The following UPK3A variants were observed in gnomAD, a reference collection of about 807,000 sequenced individuals.
The protein encoded by UPK3A is uroplakin 3A.
In UPK3A, 32 loss-of-function variants were observed where a neutral mutation model predicts 27.6. That is an observed-to-expected ratio of 1.16 (90% CI 0.87 to 1.55). The LOEUF (loss-of-function observed/expected upper bound fraction) is 1.55. Ranked by LOEUF, UPK3A falls within the 40% of genes most tolerant of loss-of-function variation. UPK3A has a pLI of 0.00. For synonymous variants in UPK3A, 171 were observed against 163.9 expected (o/e 1.04, Z -0.33); for missense variants, 370 against 367.9 (o/e 1.01, Z -0.05).
At chr22:45,295,251 C>A (rs1396001898) in intron 5 of UPK3A, among the ~76,000 whole-genome samples, 6 of 152,174 alleles carry the variant, frequency 3.9e-5, no homozygotes, top group African/African-American at 1.4e-4. Flanking sequence ...GTCCATGCTG[C>A]GTGGTCATTG....
chr22:45,284,983 C>G lies in UPK3A; in HGVS notation c.-31C>G, dbSNP rs1411871107. 5 of 1,528,112 alleles carry G rather than the reference C, an allele frequency of 3.3e-6. No individual in the cohort carries two copies. Among genetic ancestry groups the G allele is most frequent in the Non-Finnish European group, 3.5e-6 (4 of 1,143,636 alleles). 94.7% of individuals were successfully genotyped at this position (1,528,112 alleles called of 1,614,324 possible). A position where few individuals can be genotyped will look rare whatever the true frequency, so the allele number is the denominator to read the frequency against. On this transcript the variant is annotated 5_prime_UTR_variant, in exon 1 of 6. Transcript: ENST00000216211. ...GCCCGCGCCTGCTCGCTGGACCGCC[C>G]GCCCCGCGCTCTGGCGGCTCCTCCC... is the stretch of plus-strand genomic sequence containing the variant.
chr22:45,293,771 T>C (rs2084177581), intron 5 of UPK3A, among the ~76,000 whole-genome samples: 1 of 152,126 alleles, frequency 6.6e-6, no homozygotes, highest in Non-Finnish European at 1.5e-5. Context: ...TCGTTGTCAT[T>C]ATAATACACC....
At position 45,295,798 on chromosome 22, in the gene UPK3A, G is replaced by A; in HGVS notation, c.*79G>A. On this transcript the variant is annotated 3_prime_UTR_variant, in exon 6 of 6. Coordinates refer to ENST00000216211, the MANE Select transcript of UPK3A (RefSeq NM_006953.4). ...CCTGCAGCGGTGGTTGTCACACCCT[G>A]ACTTCAGGGAAGGTGAAACAGGGCT... 1.3e-6 allele frequency: 2 copies of A among 1,560,590 alleles called. No homozygotes were observed. Among genetic ancestry groups the A allele is most frequent in the Non-Finnish European group, 1.8e-6 (2 of 1,141,522 alleles).
intron 3 of UPK3A, among the ~76,000 whole-genome samples, chr22:45,288,088 T>TG (rs2084132192): frequency 6.6e-6 from 1 of 152,140 alleles, no homozygotes; most frequent in Admixed American, 6.6e-5. Context: ...AACCCCTTCG[T>TG]CTTACAGGAA....
intron 2 of UPK3A, 112 bp from the exon 3 acceptor site, chr22:45,287,060 T>G: frequency 1.3e-6 from 2 of 1,519,600 alleles, no homozygotes; most frequent in South Asian, 2.3e-5. Context: ...GTGATGCCAG[T>G]GCCCAGCACA....
intron 4 of UPK3A, 42 bp downstream of exon 4, chr22:45,289,185 C>T (rs760060962): frequency 5.0e-5 from 80 of 1,604,906 alleles, no homozygotes; most frequent in Admixed American, 8.3e-5. Flanking sequence ...CAAGGGGACC[C>T]GAGAAGGCGG....
At chr22:45,292,471 G>C (rs2084168503) in intron 4 of UPK3A, among the ~76,000 whole-genome samples, 1 of 152,206 alleles carries the variant, frequency 6.6e-6, no homozygotes, top group African/African-American at 2.4e-5. Context: ...CGTTCCAAAG[G>C]GTGAGGCCAT....
intron 2 of UPK3A, 34 bp from the exon 3 acceptor site, chr22:45,287,138 G>T (rs769851481): frequency 4.3e-6 from 7 of 1,612,978 alleles, no homozygotes; most frequent in Non-Finnish European, 5.9e-6. Flanking sequence ...AGCCGGAGTG[G>T]CCAGAAGCCT....
chr22:45,285,948 C>G lies in UPK3A; in HGVS notation c.60C>G (p.Asn20Lys). Residue 20 changes from asparagine (N) to lysine (K), a missense_variant, in exon 2 of 6, where the codon AAC becomes AAG. By Grantham distance (94) the Asn-to-Lys change is moderately conservative. Transcript: ENST00000216211. ...CCTCACTGCCTCCTCCAGCTGTGAACCTGCAGCCCCAACTGGCCAGTGTGA... is the reference window on the plus strand; with the variant it reads ...CCTCACTGCCTCCTCCAGCTGTGAAGCTGCAGCCCCAACTGGCCAGTGTGA... Reference protein sequence around the residue: ...LGCLRFGSAVNLQPQLASVTF... With the variant: ...LGCLRFGSAVKLQPQLASVTF... The G allele has an allele frequency of 6.2e-7, 1 of 1,614,034 alleles. No individual in the cohort carries two copies.
chr22:45,286,402 A>G (rs1244166772), intron 2 of UPK3A, among the ~76,000 whole-genome samples: 1 of 152,116 alleles, frequency 6.6e-6, no homozygotes, highest in African/African-American at 2.4e-5. Context: ...AGGCTCAGAG[A>G]GGTGGAATAA....
intron 4 of UPK3A, among the ~76,000 whole-genome samples, chr22:45,292,931 C>CAAAA (rs56662710): frequency 3.4e-4 from 38 of 111,522 alleles, no homozygotes; most frequent in African/African-American, 1.1e-3. Flanking sequence ...TAAAATAATG[C>CAAAA]AAAAAAAAAA....
Position 45,293,262 on chromosome 22 carries a change from T to C in UPK3A, c.653T>C (p.Leu218Pro), listed in dbSNP as rs1306293949. ...GTCATCACTTCCATCCTGGGCTCCCTGCCCTTCTTTCTACTTGTGGGTTTT... is the reference window on the plus strand; with the variant it reads ...GTCATCACTTCCATCCTGGGCTCCCCGCCCTTCTTTCTACTTGTGGGTTTT... ...MIVITSILGS[L>P]PFFLLVGFAG... is the part of the protein sequence containing the mutation. The change falls in exon 5 of 6, where the codon CTG (leucine) becomes CCG (proline). Residue 218 changes from leucine to proline, a missense_variant. Coordinates refer to ENST00000216211, the MANE Select transcript of UPK3A (RefSeq NM_006953.4). 1 of 1,614,026 alleles carries C rather than the reference T, an allele frequency of 6.2e-7. No homozygotes were observed. Among genetic ancestry groups the C allele is most frequent in the East Asian group, 2.2e-5 (1 of 44,870 alleles).
rs2087880429 is a variant in UPK3A, at chr22:45,289,243, C to A, written c.571+100C>A. 12 of 1,228,694 alleles carry A rather than the reference C, an allele frequency of 9.8e-6. No individual in the cohort carries two copies. The South Asian group carries it at 1.4e-4, about 14-fold the overall frequency. 76.1% of individuals were successfully genotyped at this position (1,228,694 alleles called of 1,614,324 possible). On this transcript the variant is annotated intron_variant, in intron 4 of 5. Transcript: ENST00000216211. ...CAAGGCTCCTCTGTCCCTGTGAAAG[C>A]CTCCCAGGCCAGGCAGTGATGAGTA...
chr22:45,285,228 C>T (rs1402180055), intron 1 of UPK3A, among the ~76,000 whole-genome samples, 163 bp downstream of exon 1: 4 of 152,226 alleles, frequency 2.6e-5, no homozygotes, highest in Non-Finnish European at 5.9e-5. Flanking sequence ...TGTTGGGAAT[C>T]CGAGGGCTCA....
At chr22:45,292,397 C>T (rs1356113295) in intron 4 of UPK3A, among the ~76,000 whole-genome samples, 2 of 152,126 alleles carry the variant, frequency 1.3e-5, no homozygotes, top group East Asian at 3.9e-4. Flanking sequence ...CTCCAGGGGA[C>T]CTACCTGGAA....
chr22:45,294,951 C>T (rs967240472), intron 5 of UPK3A, among the ~76,000 whole-genome samples: 4 of 151,196 alleles, frequency 2.6e-5, no homozygotes, highest in Non-Finnish European at 4.4e-5. Context: ...CTGCAACCTC[C>T]GCCTCCCAGG....
At chr22:45,287,998 C>A (rs943047234) in intron 3 of UPK3A, among the ~76,000 whole-genome samples, 25 of 152,008 alleles carry the variant, frequency 1.6e-4, no homozygotes, top group African/African-American at 5.8e-4. Context: ...AACAAGGGCC[C>A]ACATTTTCAT....
At chr22:45,290,699 C>T (rs767137985) in intron 4 of UPK3A, among the ~76,000 whole-genome samples, 2 of 152,034 alleles carry the variant, frequency 1.3e-5, no homozygotes, top group South Asian at 2.1e-4. Context: ...CTGTTAGGAA[C>T]GGGACCGCGC....
Position 45,293,271 on chromosome 22 carries a change from T to C in UPK3A, c.662T>C (p.Phe221Ser), listed in dbSNP as rs2084174152. The C allele has an allele frequency of 6.2e-7, 1 of 1,613,966 alleles. No homozygotes were observed. Among genetic ancestry groups the C allele is most frequent in the African/African-American group, 1.3e-5 (1 of 74,908 alleles). Residue 221 changes from phenylalanine to serine, a missense_variant, in exon 5 of 6, where the codon TTT (phenylalanine) becomes TCT (serine). Physicochemically the swap from Phe to Ser is radical, Grantham distance 155 (BLOSUM62 -2). Coordinates refer to ENST00000216211, the MANE Select transcript of UPK3A (RefSeq NM_006953.4). ...ITSILGSLPF[F>S]LLVGFAGAIA... Reference sequence around the variant, plus strand: ...TCCATCCTGGGCTCCCTGCCCTTCTTTCTACTTGTGGGTTTTGCTGGCGCC... The same window carrying C: ...TCCATCCTGGGCTCCCTGCCCTTCTCTCTACTTGTGGGTTTTGCTGGCGCC...
Sources: gnomAD v4.1 joint callset for allele counts (sites outside exome capture counted in the v4.1 genomes callset) on GRCh38, gnomAD v4.1.1 for gene constraint, MANE v1.5 for transcripts, NCBI Gene and HGNC (gene_info 2026-07-23, HGNC 2026-07-21) for gene names.